The following VCAN variants were observed in gnomAD, a reference collection of about 807,000 sequenced individuals.
The protein encoded by VCAN is versican.
In VCAN, 44 loss-of-function variants were observed where a neutral mutation model predicts 245.5. That is an observed-to-expected ratio of 0.18 (90% confidence interval 0.14 to 0.23). The LOEUF (loss-of-function observed/expected upper bound fraction) is 0.23. VCAN is among the 10% of genes least tolerant of loss of function. The pLI is 1.00. For synonymous variants in VCAN, 1,413 were observed against 1,437.0 expected, an observed-to-expected ratio of 0.98 and a Z score of 0.38; for missense variants, 3,793 against 4,057.9, an observed-to-expected ratio of 0.93 and a Z score of 1.77.
At position 83,520,315 on chromosome 5, in the gene VCAN, C is replaced by T. The variant is rs1227006850; in HGVS notation, c.2009C>T (p.Thr670Ile). The change falls in exon 7 of 15, where the codon ACA (threonine) becomes ATA (isoleucine). Residue 670 changes from threonine to isoleucine, a missense_variant. Coordinates refer to ENST00000265077, the MANE Select transcript of VCAN (RefSeq NM_004385.5). ...AAAATATTAGTAGAGGGAATTTCCACAGTTATTTATCCTTCTCTACAAACA... is the reference window on the plus strand; with the variant it reads ...AAAATATTAGTAGAGGGAATTTCCATAGTTATTTATCCTTCTCTACAAACA... ...GDKILVEGIS[T>I]VIYPSLQTEM... 7 of 1,613,816 alleles carry T rather than the reference C, an allele frequency of 4.3e-6. No individual in the cohort carries two copies. The Middle Eastern group carries it at 4.9e-4, about 114-fold the overall frequency.
At position 83,500,965 on chromosome 5, in the gene VCAN, T is replaced by A. The variant is rs77689683; in HGVS notation, c.748+7034T>A. On this transcript the variant is annotated intron_variant, in intron 5 of 14. Coordinates refer to ENST00000265077, the MANE Select transcript of VCAN (RefSeq NM_004385.5). ...GGGTCCTGATTCCTCCACAGTCTTG[T>A]CAACACTTGCTATTATCTGACCTTT... 6.3e-3 allele frequency among the ~76,000 whole-genome samples: 966 copies of A among 152,278 alleles called. 13 individuals are homozygous for A. Among genetic ancestry groups the A allele is most frequent in the African/African-American group, 0.022 (924 of 41,558 alleles).
chr5:83,472,272 TG>T (rs5869180), intron 1 of VCAN, among the ~76,000 whole-genome samples: 106,076 of 148,912 alleles, frequency 0.71, 37,476 homozygotes, highest in Middle Eastern at 0.81. Context: ...CAGGGTGGGG[TG>T]GGGGGTAAAA....
In VCAN at chr5:83,539,147, G is replaced by C. The variant is rs770602639; in HGVS notation, c.6144G>C (p.Val2048=). 1 of 1,613,966 alleles carries C rather than the reference G, an allele frequency of 6.2e-7. No homozygotes were observed. Among genetic ancestry groups the C allele is most frequent in the Admixed American group, 1.7e-5 (1 of 59,936 alleles). The stretch of plus-strand genomic sequence containing the variant: ...TTATCGACGAAGGATTGGGAGAAGT[G>C]GGTACTGTCAATGAAATTGATAGAA... ...SSIIDEGLGE[V]GTVNEIDRRS... Residue 2048 remains valine, a synonymous_variant, in exon 8 of 15, where the codon GTG becomes GTC. Coordinates refer to ENST00000265077, the MANE Select transcript of VCAN (RefSeq NM_004385.5).
At chr5:83,486,920 A>G (rs1744810644) in intron 2 of VCAN, among the ~76,000 whole-genome samples, 1 of 152,232 alleles carries the variant, frequency 6.6e-6, no homozygotes, top group Admixed American at 6.5e-5. Flanking sequence ...TTGAGTCAAG[A>G]CAAGTACTTT....
intron 5 of VCAN, among the ~76,000 whole-genome samples, chr5:83,495,910 C>A (rs1020879766): frequency 6.6e-6 from 1 of 152,092 alleles, no homozygotes; most frequent in Non-Finnish European, 1.5e-5. Context: ...GCCCTAGAGA[C>A]CCCCCGTGTG....
chr5:83,546,856 T>C (rs1369898962), intron 9 of VCAN, among the ~76,000 whole-genome samples: 2 of 152,240 alleles, frequency 1.3e-5, no homozygotes, highest in Non-Finnish European at 2.9e-5. Context: ...CTTTGTATAT[T>C]CATTTAAAAA....
chr5:83,495,078 A>C (rs1745114487), intron 5 of VCAN, among the ~76,000 whole-genome samples: 1 of 152,222 alleles, frequency 6.6e-6, no homozygotes, highest in South Asian at 2.1e-4. Context: ...TATTATTAGA[A>C]TCCTAAAGTA....
At chr5:83,535,492 A>C (rs1374987003) in intron 7 of VCAN, 1 of 152,152 alleles carries the variant, frequency 6.6e-6, no homozygotes, top group Non-Finnish European at 1.5e-5. Context: ...ATTTAAAAAA[A>C]ATTCAAGGAG....
intron 7 of VCAN, among the ~76,000 whole-genome samples, chr5:83,525,280 CT>C (rs1746251794): frequency 6.6e-6 from 1 of 152,000 alleles, no homozygotes; most frequent in East Asian, 1.9e-4. Flanking sequence ...AACTTTACTC[CT>C]GTCTATTTCA....
chr5:83,574,236 T>C (rs1398466562), intron 13 of VCAN, among the ~76,000 whole-genome samples: 1 of 152,164 alleles, frequency 6.6e-6, no homozygotes, highest in African/African-American at 2.4e-5. Context: ...CCACTCACGC[T>C]GACACATTAA....
chr5:83,511,486 C>T (rs928468198), intron 5 of VCAN, among the ~76,000 whole-genome samples: 1 of 152,106 alleles, frequency 6.6e-6, no homozygotes, highest in Non-Finnish European at 1.5e-5. Context: ...CATGGCAGCC[C>T]TGTGCCTGAT....
intron 12 of VCAN, among the ~76,000 whole-genome samples, chr5:83,563,503 T>C (rs1580071081): frequency 1.3e-5 from 2 of 152,228 alleles, no homozygotes; most frequent in Admixed American, 6.5e-5. Context: ...TTGACCTGTG[T>C]TCTGAAAGGC....
intron 1 of VCAN, among the ~76,000 whole-genome samples, chr5:83,482,674 A>G (rs1006370753): frequency 6.6e-6 from 1 of 152,218 alleles, no homozygotes; most frequent in Non-Finnish European, 1.5e-5. Context: ...TCTCCTCCTC[A>G]TCATTATAGC....
chr5:83,505,114 G>A (rs542847679), intron 5 of VCAN, among the ~76,000 whole-genome samples: 51 of 152,118 alleles, frequency 3.4e-4, no homozygotes, highest in African/African-American at 1.2e-3. Context: ...ATTTGGGTGG[G>A]GACACAGCCA....
Position 83,581,870 on chromosome 5 carries a change from C to A in VCAN, c.*1436C>A, listed in dbSNP as rs15071. ...AAACCTGTAATGGAAAGTAAGACTC[C>A]TTCCCTAATTTCAGTTTAGAGCAAC... On this transcript the variant is annotated 3_prime_UTR_variant, in exon 15 of 15. Transcript: ENST00000265077. The A allele has an allele frequency of 1.3e-5, 2 of 151,956 alleles. No individual in the cohort carries two copies. Among genetic ancestry groups the A allele is most frequent in the South Asian group, 4.1e-4 (2 of 4,820 alleles). The allele number at this position is 151,956 out of a possible 1,614,324, so 9.4% of individuals were successfully genotyped here.
chr5:83,502,084 T>C (rs1384120503), intron 5 of VCAN, among the ~76,000 whole-genome samples: 2 of 152,164 alleles, frequency 1.3e-5, no homozygotes, highest in Non-Finnish European at 2.9e-5. Context: ...TTTTTTTGAT[T>C]GTTTATTACA....
At chr5:83,535,437 A>G (rs1426866929) in intron 7 of VCAN, among the ~76,000 whole-genome samples, 4 of 152,154 alleles carry the variant, frequency 2.6e-5, no homozygotes, top group Non-Finnish European at 5.9e-5. Context: ...GGATAAATGT[A>G]TATGTCTTTG....
rs1333294034 is a variant in VCAN, at chr5:83,537,004, C to T, written c.4004-3C>T. 2 of 1,570,190 alleles carry T rather than the reference C, an allele frequency of 1.3e-6. No individual in the cohort carries two copies. Among genetic ancestry groups the T allele is most frequent in the East Asian group, 2.2e-5 (1 of 44,454 alleles). On this transcript the variant is annotated splice_polypyrimidine_tract_variant and splice_region_variant and intron_variant, in intron 7 of 14. Coordinates refer to ENST00000265077, the MANE Select transcript of VCAN (RefSeq NM_004385.5). ...AGTATTGTGAAAACTCTGTTTTTTT[C>T]AGGTCGAATGAGTGATTTGAGTGTA...
intron 5 of VCAN, among the ~76,000 whole-genome samples, chr5:83,505,054 G>A (rs1462941028): frequency 6.6e-6 from 1 of 151,960 alleles, no homozygotes. Flanking sequence ...CCTCCCCCTG[G>A]GTCCCTCCCA....
Sources: allele counts gnomAD v4.1 joint callset (sites outside exome capture counted in the v4.1 genomes callset), GRCh38; gene constraint gnomAD v4.1.1; transcripts MANE v1.5; gene names NCBI Gene and HGNC (gene_info 2026-07-23, HGNC 2026-07-21).